The following RINL variants were observed in gnomAD, a reference collection of about 807,000 sequenced individuals.
RINL encodes ras and Rab interactor-like protein.
A neutral mutation model predicts 58.1 loss-of-function variants in RINL; 39 were observed. The observed-to-expected ratio is 0.67, with a 90% CI of 0.52 to 0.88. The LOEUF is 0.88. Ranked by LOEUF, RINL falls within the 40% of genes least tolerant of loss-of-function variation. RINL has a pLI of 0.00. For missense variants in RINL, 711 were observed against 749.2 expected (o/e 0.95, Z 0.60); for synonymous variants, 286 against 323.1 (o/e 0.89, Z 1.23).
Position 38,870,348 on chromosome 19 carries a change from G to A in RINL, c.1025-88C>T, listed in dbSNP as rs1972778998. ...CTCCAACAACCCACCCTGGCCCACAGCCACCCCTGCCTAGCTCTGGTCCCC... is the reference window on the plus strand; with the variant it reads ...CTCCAACAACCCACCCTGGCCCACAACCACCCCTGCCTAGCTCTGGTCCCC... On this transcript the variant is annotated intron_variant, in intron 8 of 11. Coordinates refer to ENST00000591812, the MANE Select transcript of RINL (RefSeq NM_001195833.2). The surrounding 1 kb of genome is among the most constrained non-coding windows in gnomAD (Gnocchi z 5.8). 1.8e-6 allele frequency: 2 copies of A among 1,105,060 alleles called. No homozygotes were observed. The highest frequency in any genetic ancestry group is 2.4e-6 in the Non-Finnish European group (2 of 818,010). 68.5% of individuals were successfully genotyped at this position (1,105,060 alleles called of 1,614,324 possible).
intron 3 of RINL, 134 bp downstream of exon 3, chr19:38,876,197 C>A: frequency 1.2e-6 from 1 of 817,374 alleles, no homozygotes. Flanking sequence ...GTAGCTAGGA[C>A]TGCAGGCATG....
At position 38,869,485 on chromosome 19, in the gene RINL, G is replaced by A; in HGVS notation, c.1475-75C>T. Reference sequence around the variant, plus strand: ...CCCCAAATCCCCCTGCAGTTTGCCTGCCGTCCCTCCTGCTGCGGGGGGAGG... The same window carrying A: ...CCCCAAATCCCCCTGCAGTTTGCCTACCGTCCCTCCTGCTGCGGGGGGAGG... On this transcript the variant is annotated intron_variant, in intron 10 of 11. Coordinates refer to ENST00000591812, the MANE Select transcript of RINL (RefSeq NM_001195833.2). The surrounding 1 kb of genome is among the most constrained non-coding windows in gnomAD (Gnocchi z 5.7). The A allele has an allele frequency of 6.3e-7, 1 of 1,584,470 alleles. No homozygotes were observed. Among genetic ancestry groups the A allele is most frequent in the Non-Finnish European group, 8.6e-7 (1 of 1,162,888 alleles).
chr19:38,871,787 G>A lies in RINL; in HGVS notation c.386+11C>T. 1 of 1,613,954 alleles carries A rather than the reference G, an allele frequency of 6.2e-7. No homozygotes were observed. The highest frequency in any genetic ancestry group is 8.5e-7 in the Non-Finnish European group (1 of 1,179,828). On this transcript the variant is annotated intron_variant, in intron 5 of 11. Coordinates refer to ENST00000591812, the MANE Select transcript of RINL (RefSeq NM_001195833.2). The stretch of plus-strand genomic sequence containing the variant: ...GGGTCCCCCTTAGTGCCTCAGATGG[G>A]TGACCTGTACCTGCTGGCTGATAGA...
rs184377808 is a variant in RINL, at chr19:38,872,221, C to T, written c.314-351G>A. On this transcript the variant is annotated intron_variant, in intron 4 of 11. Coordinates refer to ENST00000591812, the MANE Select transcript of RINL (RefSeq NM_001195833.2). ...AATAAACAGTCAGGGTACGGTGGCT[C>T]ACGCCTGTAATTCTAGCACTTTGGG... Among the ~76,000 whole-genome samples the T allele has an allele frequency of 2.3e-3, 347 of 152,276 alleles. 3 individuals carry two copies. The highest frequency in any genetic ancestry group is 8.1e-3 in the African/African-American group (335 of 41,544).
At chr19:38,871,537 T>C in intron 6 of RINL, 110 bp downstream of exon 6, 1 of 1,029,128 alleles carries the variant, frequency 9.7e-7, no homozygotes, top group Non-Finnish European at 1.5e-6. Context: ...TAGTCTCCAG[T>C]TCTATATTCT....
chr19:38,874,887 C>T (rs1972886420), intron 3 of RINL, among the ~76,000 whole-genome samples: 8 of 152,148 alleles, frequency 5.3e-5, no homozygotes, highest in Admixed American at 5.2e-4. Context: ...GTAATCCCAG[C>T]ACTTTGGGAG....
In RINL at chr19:38,870,007, C is replaced by T. The variant is rs762680246; in HGVS notation, c.1278G>A (p.Lys426=). 1.3e-6 allele frequency: 2 copies of T among 1,585,074 alleles called. No individual in the cohort carries two copies. The highest frequency in any genetic ancestry group is 8.6e-7 in the Non-Finnish European group (1 of 1,168,092). Reference sequence around the variant, plus strand: ...TGCACACCTCCAAGAGGAGCGCCACCTTGCGGCGCGGGGCGCAGGCAGCGT... The same window carrying T: ...TGCACACCTCCAAGAGGAGCGCCACTTTGCGGCGCGGGGCGCAGGCAGCGT... ...HLHAACAPRR[K]VALLLEVCRD... The change falls in exon 9 of 12, where the codon AAG becomes AAA. Residue 426 remains lysine (K), a synonymous_variant. Coordinates refer to ENST00000591812, the MANE Select transcript of RINL (RefSeq NM_001195833.2). This position sits in a 1 kb window ranked among gnomAD's most constrained non-coding sequence, Gnocchi z 5.8.
Position 38,869,655 on chromosome 19 carries a change from G to A in RINL, c.1392C>T (p.Ile464=). Residue 464 remains isoleucine (I), a synonymous_variant, in exon 10 of 12, where the codon ATC becomes ATT. Transcript: ENST00000591812. The surrounding 1 kb of genome is among the most constrained non-coding windows in gnomAD (Gnocchi z 5.7). ...AFLPALTEEL[I]WSPDIGDTQL... is the part of the protein sequence containing the mutation. ...GCGTGTCCCCAATGTCCGGGCTCCA[G>A]ATGAGTTCCTCGGTCAGCGCCGGCA... 1 of 1,613,976 alleles carries A rather than the reference G, an allele frequency of 6.2e-7. No homozygotes were observed. Among genetic ancestry groups the A allele is most frequent in the Non-Finnish European group, 8.5e-7 (1 of 1,179,998 alleles).
At chr19:38,873,822 G>T in intron 4 of RINL, 64 bp downstream of exon 4, 1 of 1,061,472 alleles carries the variant, frequency 9.4e-7, no homozygotes, top group Non-Finnish European at 1.4e-6. Context: ...CACCGCGCCG[G>T]TCCAGCTGAT....
chr19:38,876,660 A>G (rs892996562), intron 2 of RINL, 33 bp downstream of exon 2: 92 of 1,526,940 alleles, frequency 6.0e-5, no homozygotes, highest in Non-Finnish European at 8.1e-5. Context: ...ATGCAGGGGA[A>G]GGAGGGCATA....
At chr19:38,873,263 A>C (rs2144645423) in intron 4 of RINL, among the ~76,000 whole-genome samples, 1 of 152,274 alleles carries the variant, frequency 6.6e-6, no homozygotes, top group Middle Eastern at 3.4e-3. Flanking sequence ...AGAGTGTAAC[A>C]GTGTGTATGG....
At position 38,869,271 on chromosome 19, in the gene RINL, G is replaced by T. The variant is rs1443529463; in HGVS notation, c.1614C>A (p.His538Gln). Residue 538 changes from histidine (H) to glutamine (Q), a missense_variant, in exon 11 of 12, where the codon CAC becomes CAA. By Grantham distance (24) the His-to-Gln change is conservative. Coordinates refer to ENST00000591812, the MANE Select transcript of RINL (RefSeq NM_001195833.2). This position sits in a 1 kb window ranked among gnomAD's most constrained non-coding sequence, Gnocchi z 5.7. Reference sequence around the variant, plus strand: ...CCTGGGCTCTGGGATGATCCTTTCTGTGCAGCGTCCGCCTGCGGTGCCACT... The same window carrying T: ...CCTGGGCTCTGGGATGATCCTTTCTTTGCAGCGTCCGCCTGCGGTGCCACT... ...LHQWHRRRTL[H>Q]RKDHPRAQAN... 6.2e-7 allele frequency: 1 copy of T among 1,614,168 alleles called. No individual in the cohort carries two copies. Among genetic ancestry groups the T allele is most frequent in the Non-Finnish European group, 8.5e-7 (1 of 1,180,028 alleles).
At chr19:38,877,727 C>A (rs1972968775) in intron 1 of RINL, among the ~76,000 whole-genome samples, 2 of 152,282 alleles carry the variant, frequency 1.3e-5, no homozygotes, top group East Asian at 3.9e-4. Flanking sequence ...CTTAGGGTGG[C>A]ACTTATCCCA....
At position 38,876,332 on chromosome 19, in the gene RINL, C is replaced by G; in HGVS notation, c.209G>C (p.Gly70Ala). ...GGGCCCCCAGCTGTGAGTACTCACC[C>G]CTAGTGGCCACAGCCCCACAAGGGC... ...AEALVGLWPL[G>A]SFLVTGRDPS... The change falls in exon 3 of 12, where the codon GGG becomes GCG. Residue 70 changes from glycine to alanine, a missense_variant and splice_region_variant. Gly to Ala is a moderately conservative substitution (Grantham distance 60). Transcript: ENST00000591812. The G allele has an allele frequency of 6.5e-7, 1 of 1,535,854 alleles. No homozygotes were observed. The highest frequency in any genetic ancestry group is 8.7e-7 in the Non-Finnish European group (1 of 1,146,722).
rs1032056631 is a variant in RINL, at chr19:38,867,922, C to T, written c.*1182G>A. On this transcript the variant is annotated 3_prime_UTR_variant, in exon 12 of 12. Transcript: ENST00000591812. ...GTTAAATCAAATATATTATTATTAA[C>T]GTTAACTTCACTTGTTTCTTTTTAT... 2.0e-5 allele frequency: 3 copies of T among 151,970 alleles called. No individual in the cohort carries two copies. Among genetic ancestry groups the T allele is most frequent in the Non-Finnish European group, 4.4e-5 (3 of 67,980 alleles). The allele number at this position is 151,970 out of a possible 1,614,324, so 9.4% of individuals were successfully genotyped here.
In RINL at chr19:38,869,622, G is replaced by A. The variant is rs761847651; in HGVS notation, c.1425C>T (p.Asp475=). 1.2e-6 allele frequency: 2 copies of A among 1,613,948 alleles called. No individual in the cohort carries two copies. The highest frequency in any genetic ancestry group is 2.2e-5 in the East Asian group (1 of 44,864). ...CTAAGAGCTCCATAAGAAACTCTAC[G>A]TCCAGCTGCGTGTCCCCAATGTCCG... ...WSPDIGDTQL[D]VEFLMELLDP... Residue 475 remains aspartate, a synonymous_variant, in exon 10 of 12, where the codon GAC becomes GAT. Coordinates refer to ENST00000591812, the MANE Select transcript of RINL (RefSeq NM_001195833.2). This position sits in a 1 kb window ranked among gnomAD's most constrained non-coding sequence, Gnocchi z 5.7.
In RINL at chr19:38,871,239, A is replaced by G; in HGVS notation, c.452-12T>C. On this transcript the variant is annotated splice_polypyrimidine_tract_variant and intron_variant, in intron 6 of 11. Transcript: ENST00000591812. Reference sequence around the variant, plus strand: ...GATCTGCACAGGATCTGGAGCCAGCAGAAGTGAGAAGGTGTCCTAGGTATC... The same window carrying G: ...GATCTGCACAGGATCTGGAGCCAGCGGAAGTGAGAAGGTGTCCTAGGTATC... The G allele has an allele frequency of 6.2e-7, 1 of 1,613,906 alleles. No homozygotes were observed.
Position 38,870,910 on chromosome 19 carries a change from G to A in RINL, c.684C>T (p.Leu228=), listed in dbSNP as rs1303205890. ...CCTCCTCCTCTTCCAGTAGGCTGGC[G>A]AGAGCCGGCCCAGGATGGTCCACTT... is the stretch of plus-strand genomic sequence containing the variant. ...SPEVDHPGPA[L]ASLLEEEEED... is the part of the protein sequence containing the mutation. The change falls in exon 8 of 12, where the codon CTC becomes CTT. Residue 228 remains leucine (L), a synonymous_variant. Transcript: ENST00000591812. The surrounding 1 kb of genome is among the most constrained non-coding windows in gnomAD (Gnocchi z 5.8). 9 of 1,604,918 alleles carry A rather than the reference G, an allele frequency of 5.6e-6. No individual in the cohort carries two copies. Among genetic ancestry groups the A allele is most frequent in the Non-Finnish European group, 6.8e-6 (8 of 1,179,940 alleles).
chr19:38,870,518 A>G lies in RINL; in HGVS notation c.1024+52T>C. ...AAACGTGTGCGCACCGATGGAGAGG[A>G]CGAAGTTGCACACTTGAACCCGTGG... On this transcript the variant is annotated intron_variant, in intron 8 of 11. Coordinates refer to ENST00000591812, the MANE Select transcript of RINL (RefSeq NM_001195833.2). This position sits in a 1 kb window ranked among gnomAD's most constrained non-coding sequence, Gnocchi z 5.8. 6.7e-7 allele frequency: 1 copy of G among 1,501,882 alleles called. No homozygotes were observed. Among genetic ancestry groups the G allele is most frequent in the Non-Finnish European group, 8.9e-7 (1 of 1,125,752 alleles). The allele number at this position is 1,501,882 out of a possible 1,614,324, so 93.0% of individuals were successfully genotyped here.
Sources: gnomAD v4.1 joint callset for allele counts (sites outside exome capture counted in the v4.1 genomes callset) on GRCh38, gnomAD v4.1.1 for gene constraint, Gnocchi (gnomAD v3.1) non-coding constraint, MANE v1.5 for transcripts, NCBI Gene and HGNC (gene_info 2026-07-23, HGNC 2026-07-21) for gene names.